The following CLSTN2 variants were observed in gnomAD, a reference collection of about 807,000 sequenced individuals.
The protein encoded by CLSTN2 is calsyntenin 2.
Under a neutral mutation model 101.2 loss-of-function variants are expected in CLSTN2, and 48 were observed. The observed-to-expected ratio is 0.47, with a 90% CI of 0.38 to 0.60. The LOEUF (loss-of-function observed/expected upper bound fraction) is 0.60, where lower values mean the gene tolerates loss of function less well. CLSTN2 is among the 20% of genes least tolerant of loss of function. The pLI is 0.00. For missense variants in CLSTN2, 1,160 were observed against 1,238.2 expected (o/e 0.94, Z 0.95); for synonymous variants, 481 against 463.6 (o/e 1.04, Z -0.48).
chr3:140,382,921 G>C (rs550397683), intron 2 of CLSTN2, among the ~76,000 whole-genome samples: 5 of 137,304 alleles, frequency 3.6e-5, no homozygotes, highest in African/African-American at 1.3e-4. Flanking sequence ...ATCACACTGC[G>C]GATTAGGTTT....
chr3:140,119,276 G>C (rs1248666174), intron 1 of CLSTN2, among the ~76,000 whole-genome samples: 1 of 152,226 alleles, frequency 6.6e-6, no homozygotes, highest in African/African-American at 2.4e-5. Context: ...CAGTCAACCA[G>C]TAATTGGTAA....
intron 2 of CLSTN2, among the ~76,000 whole-genome samples, chr3:140,292,337 C>G (rs1206673020): frequency 6.6e-6 from 1 of 152,224 alleles, no homozygotes; most frequent in Non-Finnish European, 1.5e-5. Flanking sequence ...ATATCTCCTC[C>G]TCAATTAGGT....
At chr3:140,416,513 A>G (rs2088432831) in intron 4 of CLSTN2, among the ~76,000 whole-genome samples, 1 of 152,178 alleles carries the variant, frequency 6.6e-6, no homozygotes, top group Non-Finnish European at 1.5e-5. Flanking sequence ...TACAATTTTT[A>G]TTTGTCAGTC....
At chr3:140,378,263 C>T (rs1360766065) in intron 2 of CLSTN2, among the ~76,000 whole-genome samples, 1 of 152,146 alleles carries the variant, frequency 6.6e-6, no homozygotes, top group Admixed American at 6.5e-5. Context: ...TATAAATGAC[C>T]GGATACTTCA....
chr3:140,103,247 CT>C (rs2008997545), intron 1 of CLSTN2, among the ~76,000 whole-genome samples: 1 of 152,174 alleles, frequency 6.6e-6, no homozygotes, highest in Non-Finnish European at 1.5e-5. Flanking sequence ...TGGGCTGTAT[CT>C]TTAACCAAGC....
chr3:140,426,146 G>T (rs1428161538), intron 5 of CLSTN2, among the ~76,000 whole-genome samples: 1 of 152,132 alleles, frequency 6.6e-6, no homozygotes, highest in African/African-American at 2.4e-5. Flanking sequence ...TTTAAGTTCT[G>T]GGATACATGT....
At chr3:140,405,711 A>C (rs557071275) in intron 4 of CLSTN2, among the ~76,000 whole-genome samples, 1 of 152,304 alleles carries the variant, frequency 6.6e-6, no homozygotes, top group African/African-American at 2.4e-5. Flanking sequence ...TGTAGTATAA[A>C]CGCCACAACC....
At chr3:140,064,591 A>G (rs2008266819) in intron 1 of CLSTN2, among the ~76,000 whole-genome samples, 2 of 152,248 alleles carry the variant, frequency 1.3e-5, no homozygotes, top group South Asian at 4.1e-4. Flanking sequence ...CCAAAGCTGT[A>G]CTTAGAAGCA....
At chr3:140,378,878 T>C (rs942166081) in intron 2 of CLSTN2, among the ~76,000 whole-genome samples, 2 of 152,358 alleles carry the variant, frequency 1.3e-5, no homozygotes, top group Admixed American at 1.3e-4. Context: ...CATCTAGTGC[T>C]TGATGTATAG....
rs143370640 is a variant in CLSTN2 at position 140,541,051 on chromosome 3, T to C, written c.1508-5464T>C. Reference sequence around the variant, plus strand: ...CATTCTGTGTCCACAGAGCCCACTATAACTGAATATTTTCCCCCAGCATTG... The same window carrying C: ...CATTCTGTGTCCACAGAGCCCACTACAACTGAATATTTTCCCCCAGCATTG... On this transcript the variant is annotated intron_variant, in intron 9 of 16. Transcript: ENST00000458420. 4.2e-3 allele frequency among the ~76,000 whole-genome samples: 646 copies of C among 152,322 alleles called. 10 individuals are homozygous for C. The highest frequency in any genetic ancestry group is 6.8e-3 in the Middle Eastern group (2 of 294).
At chr3:140,185,815 G>A (rs1197197225) in intron 2 of CLSTN2, among the ~76,000 whole-genome samples, 2 of 152,162 alleles carry the variant, frequency 1.3e-5, no homozygotes, top group Non-Finnish European at 2.9e-5. Flanking sequence ...CACAGAAGCA[G>A]ATGTGCCCAG....
intron 2 of CLSTN2, among the ~76,000 whole-genome samples, chr3:140,317,868 T>C (rs1011190863): frequency 1.3e-5 from 2 of 152,150 alleles, no homozygotes; most frequent in Non-Finnish European, 1.5e-5. Flanking sequence ...CATCACCTCA[T>C]TACAATAAGA....
At chr3:140,407,810 A>G (rs2088320581) in intron 4 of CLSTN2, among the ~76,000 whole-genome samples, 1 of 152,232 alleles carries the variant, frequency 6.6e-6, no homozygotes, top group African/African-American at 2.4e-5. Flanking sequence ...CTAGCCTAAT[A>G]ACACTGTCAC....
intron 1 of CLSTN2, among the ~76,000 whole-genome samples, chr3:139,987,104 T>C (rs898685229): frequency 6.6e-6 from 1 of 152,168 alleles, no homozygotes; most frequent in South Asian, 2.1e-4. Context: ...CCTCTGTCTT[T>C]TGGAGAGTCA....
At chr3:140,032,321 G>T (rs546337929) in intron 1 of CLSTN2, among the ~76,000 whole-genome samples, 30 of 149,802 alleles carry the variant, frequency 2.0e-4, no homozygotes, top group African/African-American at 7.4e-4. Flanking sequence ...AAGATCAAGG[G>T]CTAACAAGTA....
At chr3:139,979,988 G>A (rs967762454) in intron 1 of CLSTN2, among the ~76,000 whole-genome samples, 7 of 151,892 alleles carry the variant, frequency 4.6e-5, no homozygotes, top group Non-Finnish European at 7.4e-5. Flanking sequence ...CATCCACTAG[G>A]AAATCCTGTG....
At chr3:140,030,809 G>A (rs1029442261) in intron 1 of CLSTN2, among the ~76,000 whole-genome samples, 1 of 152,234 alleles carries the variant, frequency 6.6e-6, no homozygotes, top group African/African-American at 2.4e-5. Context: ...TCTTCACTAA[G>A]TACCCAAAAT....
rs1346171470 is a variant in CLSTN2 at position 140,576,487 on chromosome 3, C to T, written c.*10234C>T. ...AAGTCTAATAATTTCTTCTCTCAGT[C>T]CTTCCCTTCTCCCTTGTCTGGAGCT... On this transcript the variant is annotated 3_prime_UTR_variant, in exon 17 of 17. Coordinates refer to ENST00000458420, the MANE Select transcript of CLSTN2 (RefSeq NM_022131.3). 2 of 152,266 alleles carry T rather than the reference C, an allele frequency of 1.3e-5. No individual in the cohort carries two copies. The highest frequency in any genetic ancestry group is 6.5e-5 in the Admixed American group (1 of 15,286). 9.4% of individuals were successfully genotyped at this position (152,266 alleles called of 1,614,324 possible).
At chr3:140,452,373 C>G (rs1352381818) in intron 6 of CLSTN2, 1 of 152,402 alleles carries the variant, frequency 6.6e-6, no homozygotes, top group Non-Finnish European at 1.5e-5. Flanking sequence ...GTCTCTCTCC[C>G]CTTCACCTCT....
Sources: gnomAD v4.1 joint callset for allele counts (sites outside exome capture counted in the v4.1 genomes callset) on GRCh38, gnomAD v4.1.1 for gene constraint, MANE v1.5 for transcripts, NCBI Gene and HGNC (gene_info 2026-07-23, HGNC 2026-07-21) for gene names.